The following TBC1D1 variants were observed in gnomAD, a reference collection of about 807,000 sequenced individuals.
The protein encoded by TBC1D1 is TBC1 domain family member 1.
TBC1D1 carries 89 observed loss-of-function variants against 125.6 expected under a neutral mutation model. The observed-to-expected ratio is 0.71, with a 90% confidence interval of 0.60 to 0.85. The LOEUF is 0.85. Ranked by LOEUF, TBC1D1 falls within the 40% of genes least tolerant of loss-of-function variation. The probability of loss-of-function intolerance (pLI) is 0.00; values close to 1 mark genes in which losing one functional copy is unlikely to be tolerated. For missense variants in TBC1D1, 1,377 were observed against 1,469.2 expected (o/e 0.94, Z 1.03); for synonymous variants, 565 against 564.1 (o/e 1.00, Z -0.02).
intron 2 of TBC1D1, among the ~76,000 whole-genome samples, chr4:37,969,863 C>T (rs1731717490): frequency 6.6e-6 from 1 of 152,302 alleles, no homozygotes; most frequent in South Asian, 2.1e-4. Flanking sequence ...ATTGTCATCA[C>T]TGCAAAAAGA....
At chr4:37,976,574 G>T (rs931552456) in intron 2 of TBC1D1, among the ~76,000 whole-genome samples, 7 of 152,172 alleles carry the variant, frequency 4.6e-5, no homozygotes, top group Non-Finnish European at 1.0e-4. Flanking sequence ...GGCTGGGTTG[G>T]CCATTTGGCC....
chr4:38,030,691 T>G (rs1433191489), intron 7 of TBC1D1, among the ~76,000 whole-genome samples: 1 of 152,250 alleles, frequency 6.6e-6, no homozygotes, highest in African/African-American at 2.4e-5. Context: ...TTCCTGAGTC[T>G]CCTTATAAAA....
chr4:38,052,979 A>T, intron 11 of TBC1D1, 127 bp from the exon 13 acceptor site: 1 of 613,444 alleles, frequency 1.6e-6, no homozygotes, highest in Non-Finnish European at 2.4e-6. Flanking sequence ...ACTACTTTTA[A>T]TTTCTTACCT....
rs776941680 is a variant in TBC1D1 at position 38,039,104 on chromosome 4, C to CTTTTTTTTTTTTTTTTTTTT, written c.1413+3418_1413+3437dup. On this transcript the variant is annotated intron_variant, in intron 8 of 19. Coordinates refer to ENST00000261439, the MANE Select transcript of TBC1D1 (RefSeq NM_015173.4). ...AATTTCTTATAAATGGCATCATACT[C>CTTTTTTTTTTTTTTTTTTTT]TTTTTTTTTTTTTTTTTTTTTTTTT... is the stretch of plus-strand genomic sequence containing the variant. 3.9e-5 allele frequency among the ~76,000 whole-genome samples: 2 copies of CTTTTTTTTTTTTTTTTTTTT among 51,542 alleles called. 1 individual carries two copies. Among genetic ancestry groups the CTTTTTTTTTTTTTTTTTTTT allele is most frequent in the African/African-American group, 1.2e-4 (2 of 16,126 alleles). The allele number at this position is 51,542 out of a possible 152,430, so 33.8% of individuals were successfully genotyped here. A position where few individuals can be genotyped will look rare whatever the true frequency, so the allele number is the denominator to read the frequency against.
At chr4:37,901,235 C>T (rs1165608410) in intron 1 of TBC1D1, among the ~76,000 whole-genome samples, 1 of 152,038 alleles carries the variant, frequency 6.6e-6, no homozygotes, top group Non-Finnish European at 1.5e-5. Context: ...TGGCTTGCTG[C>T]AGCCTCTGCC....
At chr4:38,129,594 G>A (rs1003155362) in intron 18 of TBC1D1, among the ~76,000 whole-genome samples, 1 of 152,116 alleles carries the variant, frequency 6.6e-6, no homozygotes, top group Non-Finnish European at 1.5e-5. Flanking sequence ...GAGGGCAGGG[G>A]GTTAGGAAGG....
At chr4:38,004,865 G>T (rs921351912) in intron 2 of TBC1D1, among the ~76,000 whole-genome samples, 2 of 152,218 alleles carry the variant, frequency 1.3e-5, no homozygotes, top group Non-Finnish European at 2.9e-5. Context: ...GTTCAAAAAG[G>T]ATAGATTATT....
At chr4:37,908,451 C>A (rs956344517) in intron 2 of TBC1D1, among the ~76,000 whole-genome samples, 6 of 152,130 alleles carry the variant, frequency 3.9e-5, no homozygotes, top group African/African-American at 1.4e-4. Flanking sequence ...AGTGATCCGC[C>A]CGCTTCCACC....
At chr4:37,979,639 C>T (rs1428865886) in intron 2 of TBC1D1, among the ~76,000 whole-genome samples, 1 of 152,248 alleles carries the variant, frequency 6.6e-6, no homozygotes, top group African/African-American at 2.4e-5. Flanking sequence ...CTCACACAAA[C>T]ACCTGCACAT....
At chr4:38,024,774 A>G (rs986971921) in intron 6 of TBC1D1, among the ~76,000 whole-genome samples, 2 of 152,238 alleles carry the variant, frequency 1.3e-5, no homozygotes, top group Non-Finnish European at 2.9e-5. Flanking sequence ...TGTTGGTGTA[A>G]AAGTAGTTCT....
At chr4:38,131,026 C>T (rs1451429177) in intron 18 of TBC1D1, among the ~76,000 whole-genome samples, 1 of 152,162 alleles carries the variant, frequency 6.6e-6, no homozygotes, top group Non-Finnish European at 1.5e-5. Flanking sequence ...CCACCAGCCT[C>T]ATATTGCCAT....
rs187820418 is a variant in TBC1D1, at chr4:37,893,951, C to T, written c.-94+2603C>T. Among the ~76,000 whole-genome samples, 59 of 151,590 alleles carry T rather than the reference C, an allele frequency of 3.9e-4. 1 individual carries two copies. The highest frequency in any genetic ancestry group is 9.9e-4 in the Admixed American group (15 of 15,198). On this transcript the variant is annotated intron_variant, in intron 1 of 19. Coordinates refer to ENST00000261439, the MANE Select transcript of TBC1D1 (RefSeq NM_015173.4). ...AAAAATATCTTTAGACCAGATTCTT[C>T]ACGAAAGACATGAAGGTTTTCATGC...
intron 6 of TBC1D1, among the ~76,000 whole-genome samples, chr4:38,026,067 C>A (rs1745019666): frequency 7.5e-6 from 1 of 132,480 alleles, no homozygotes; most frequent in South Asian, 2.5e-4. Context: ...TTCAGGTGGG[C>A]ATTGAGATTA....
rs1014648222 is a variant in TBC1D1, at chr4:38,035,912, C to G, written c.1413+214C>G. ...TGCCTGCACCATAGTGGAGGCAGAA[C>G]AGTTGCTCTAATAAGAGGACTGGCT... On this transcript the variant is annotated intron_variant, in intron 8 of 19. Transcript: ENST00000261439. 3.9e-5 allele frequency among the ~76,000 whole-genome samples: 6 copies of G among 152,266 alleles called. No individual in the cohort carries two copies. The East Asian group carries it at 1.2e-3, about 29-fold the overall frequency.
chr4:37,905,158 C>T (rs1161094949), intron 2 of TBC1D1, among the ~76,000 whole-genome samples: 1 of 152,094 alleles, frequency 6.6e-6, no homozygotes, highest in Non-Finnish European at 1.5e-5. Context: ...TATAAGCATG[C>T]CATGAGATTG....
chr4:38,020,219 G>T (rs1170375392), intron 4 of TBC1D1, among the ~76,000 whole-genome samples: 1 of 152,178 alleles, frequency 6.6e-6, no homozygotes, highest in Non-Finnish European at 1.5e-5. Context: ...AGGCGCAGTG[G>T]TTCACGCCTG....
chr4:38,061,593 A>C (rs1260218862), intron 12 of TBC1D1, among the ~76,000 whole-genome samples: 1 of 152,222 alleles, frequency 6.6e-6, no homozygotes, highest in East Asian at 1.9e-4. Context: ...TATAGATAAG[A>C]ATAATTTATT....
intron 2 of TBC1D1, among the ~76,000 whole-genome samples, chr4:37,982,817 T>A (rs1734613428): frequency 6.6e-6 from 1 of 152,246 alleles, no homozygotes; most frequent in Non-Finnish European, 1.5e-5. Flanking sequence ...ACTCTCCTCA[T>A]CCTTCATTCC....
intron 2 of TBC1D1, among the ~76,000 whole-genome samples, chr4:37,931,930 A>G (rs1723349040): frequency 6.6e-6 from 1 of 152,240 alleles, no homozygotes; most frequent in African/African-American, 2.4e-5. Flanking sequence ...AGAGAAATAA[A>G]TTTCAAATTA....
Sources: allele counts gnomAD v4.1 joint callset (sites outside exome capture counted in the v4.1 genomes callset), GRCh38; gene constraint gnomAD v4.1.1; transcripts MANE v1.5; gene names NCBI Gene and HGNC (gene_info 2026-07-23, HGNC 2026-07-21).